Variants in NLGN4X observed in about 807,000 individuals in gnomAD.
The protein encoded by NLGN4X is neuroligin-4, X-linked.
Under a neutral mutation model 40.3 loss-of-function variants are expected in NLGN4X, and 3 were observed. The observed-to-expected ratio is 0.07, with a 90% CI of 0.03 to 0.19. The LOEUF is 0.19. NLGN4X is among the 10% of genes least tolerant of loss of function. The pLI is 1.00. For missense variants in NLGN4X, 382 were observed against 708.3 expected, an observed-to-expected ratio of 0.54 and a Z score of 5.23; for synonymous variants, 270 against 306.8, an observed-to-expected ratio of 0.88 and a Z score of 1.25.
intron 3 of NLGN4X, among the ~76,000 whole-genome samples, chrX:5,992,992 A>G (rs2035722815): frequency 9.0e-6 from 1 of 111,195 alleles, no homozygotes; most frequent in Non-Finnish European, 1.9e-5. Flanking sequence ...ACTATATCAT[A>G]CCCTGTGAGT....
chrX:5,984,511 T>C (rs770747106), intron 3 of NLGN4X, among the ~76,000 whole-genome samples: 2 of 111,357 alleles, frequency 1.8e-5, no homozygotes, highest in Non-Finnish European at 3.8e-5. Context: ...GAAACCACGA[T>C]TGCAAATTTC....
intron 2 of NLGN4X, among the ~76,000 whole-genome samples, chrX:6,096,753 A>T (rs188576672): frequency 1.5e-3 from 170 of 112,134 alleles, no homozygotes; most frequent in African/African-American, 5.0e-3. Context: ...ACATACGAAC[A>T]TGAGTATCTT....
chrX:6,019,449 T>C (rs1183093086), intron 3 of NLGN4X, among the ~76,000 whole-genome samples: 1 of 111,746 alleles, frequency 8.9e-6, no homozygotes, highest in Non-Finnish European at 1.9e-5. Flanking sequence ...AATAATCACG[T>C]AGTCTTTAAA....
intron 2 of NLGN4X, among the ~76,000 whole-genome samples, chrX:6,113,517 T>A (rs1056796726): frequency 9.0e-6 from 1 of 110,631 alleles, no homozygotes; most frequent in African/African-American, 3.3e-5. Context: ...TTCTTTAAGT[T>A]TTGGAACTTA....
chrX:6,120,443 G>A (rs2039398313), intron 2 of NLGN4X, among the ~76,000 whole-genome samples: 1 of 111,753 alleles, frequency 8.9e-6, no homozygotes, highest in Non-Finnish European at 1.9e-5. Context: ...TATGATAAAT[G>A]AAATTAGTAA....
At chrX:5,914,547 A>G in intron 3 of NLGN4X, among the ~76,000 whole-genome samples, 1 of 110,187 alleles carries the variant, frequency 9.1e-6, no homozygotes, top group African/African-American at 3.3e-5. Context: ...CAGAAGTTAA[A>G]TATCTTTCAC....
At chrX:6,225,891 GC>G (rs1556015926) in intron 1 of NLGN4X, among the ~76,000 whole-genome samples, 3 of 59,909 alleles carry the variant, frequency 5.0e-5, no homozygotes, top group African/African-American at 9.9e-5. Context: ...ACAAACCACC[GC>G]CCCCCCCAAA....
At chrX:6,107,474 G>T (rs2039055859) in intron 2 of NLGN4X, among the ~76,000 whole-genome samples, 1 of 111,539 alleles carries the variant, frequency 9.0e-6, no homozygotes, top group Non-Finnish European at 1.9e-5. Flanking sequence ...CATAACATAA[G>T]GGTTTTCAGA....
At chrX:6,225,170 T>C (rs988739196) in intron 1 of NLGN4X, among the ~76,000 whole-genome samples, 4 of 106,039 alleles carry the variant, frequency 3.8e-5, no homozygotes, top group African/African-American at 1.4e-4. Context: ...GAAATTCCTG[T>C]ATTCTTAATT....
intron 2 of NLGN4X, among the ~76,000 whole-genome samples, chrX:6,090,130 C>T (rs149185815): frequency 0.048 from 5,285 of 111,199 alleles, 272 homozygotes; most frequent in African/African-American, 0.15. Context: ...CTGGGAAGTA[C>T]GCTACTAATG....
intron 2 of NLGN4X, among the ~76,000 whole-genome samples, chrX:6,042,582 A>T (rs1602118043): frequency 2.0e-5 from 2 of 101,509 alleles, no homozygotes; most frequent in East Asian, 6.3e-4. Flanking sequence ...TTTTAAATGT[A>T]TGTTTATTAA....
chrX:6,154,087 G>C (rs1205588511), intron 1 of NLGN4X, among the ~76,000 whole-genome samples: 1 of 111,654 alleles, frequency 9.0e-6, no homozygotes, highest in South Asian at 3.7e-4. Context: ...CTTTGTTGTG[G>C]GGGCGTCGCC....
intron 3 of NLGN4X, among the ~76,000 whole-genome samples, chrX:5,957,892 C>A (rs2034544221): frequency 8.9e-6 from 1 of 112,266 alleles, no homozygotes; most frequent in African/African-American, 3.2e-5. Flanking sequence ...TTTGCAAAAG[C>A]ATTAAAATTT....
intron 2 of NLGN4X, among the ~76,000 whole-genome samples, chrX:6,090,889 C>CATAGGACACCTCCTACAAT (rs2038620927): frequency 9.7e-6 from 1 of 102,786 alleles, no homozygotes; most frequent in Admixed American, 1.0e-4. Flanking sequence ...CCTCCTACAA[C>CATAGGACACCTCCTACAAT]AAAGACGGGG....
intron 3 of NLGN4X, among the ~76,000 whole-genome samples, chrX:5,952,789 C>T (rs1360673289): frequency 1.8e-5 from 2 of 110,888 alleles, no homozygotes; most frequent in Admixed American, 9.6e-5. Flanking sequence ...GGCCGAATGC[C>T]TTCTTCTGCT....
chrX:5,920,392 T>C (rs1312366242), intron 3 of NLGN4X, among the ~76,000 whole-genome samples: 1 of 111,976 alleles, frequency 8.9e-6, no homozygotes, highest in Non-Finnish European at 1.9e-5. Context: ...GGATTTATGG[T>C]TTCGTAAAGC....
intron 3 of NLGN4X, among the ~76,000 whole-genome samples, chrX:5,910,445 G>A (rs1466710577): frequency 1.8e-5 from 2 of 110,795 alleles, no homozygotes; most frequent in African/African-American, 3.3e-5. Flanking sequence ...CTCATTTCAA[G>A]GGATGCTCAG....
At chrX:6,185,347 C>A (rs865896042) in intron 1 of NLGN4X, among the ~76,000 whole-genome samples, 4 of 112,021 alleles carry the variant, frequency 3.6e-5, no homozygotes, top group Non-Finnish European at 7.5e-5. Context: ...ATGTTTTCAG[C>A]AGGCACTGTG....
chrX:5,937,722 T>C (rs763656401), intron 3 of NLGN4X, among the ~76,000 whole-genome samples: 23 of 111,663 alleles, frequency 2.1e-4, no homozygotes, highest in African/African-American at 7.5e-4. Context: ...TAACTATTGG[T>C]TGGATGAACA....
Sources: allele counts gnomAD v4.1 joint callset (sites outside exome capture counted in the v4.1 genomes callset), GRCh38; gene constraint gnomAD v4.1.1; transcripts MANE v1.5; gene names NCBI Gene and HGNC (gene_info 2026-07-23, HGNC 2026-07-21).